ATP8B1: variants seen among roughly 807,000 people sequenced by gnomAD.
ATP8B1 encodes the protein ATPase phospholipid transporting 8B1.
Under a neutral mutation model 149.9 loss-of-function variants are expected in ATP8B1, and 80 were observed. The observed-to-expected ratio is 0.53, with a 90% CI of 0.45 to 0.64. The LOEUF (loss-of-function observed/expected upper bound fraction) is 0.64, where lower values mean the gene tolerates loss of function less well. ATP8B1 is among the 30% of genes least tolerant of loss of function. The pLI, the probability that ATP8B1 is intolerant of heterozygous loss-of-function variation, is 0.00. For missense variants in ATP8B1, 1,247 were observed against 1,552.6 expected (o/e 0.80, Z 3.31); for synonymous variants, 536 against 562.8 (o/e 0.95, Z 0.67).
intron 1 of ATP8B1, among the ~76,000 whole-genome samples, chr18:57,732,309 GTGTGTATA>G (rs1183898927): frequency 4.7e-5 from 1 of 21,338 alleles, no homozygotes; most frequent in African/African-American, 1.6e-4. Context: ...GTGTATATAT[GTGTGTATA>G]TATGTGTATA....
rs796827161 is a variant in ATP8B1 at position 57,714,447 on chromosome 18, G to A, written c.182-7860C>T. Among the ~76,000 whole-genome samples, 10 of 152,220 alleles carry A rather than the reference G, an allele frequency of 6.6e-5. No homozygotes were observed. In the South Asian group the frequency reaches 1.0e-3, roughly 16 times the overall value. Reference sequence around the variant, plus strand: ...GATCATGGTTACAGTGGGCCATGGCGAGACCCAGTGTGGTGCCAGCTTCAT... The same window carrying A: ...GATCATGGTTACAGTGGGCCATGGCAAGACCCAGTGTGGTGCCAGCTTCAT... On this transcript the variant is annotated intron_variant, in intron 2 of 27. Coordinates refer to ENST00000648908, the MANE Select transcript of ATP8B1 (RefSeq NM_001374385.1).
intron 12 of ATP8B1, among the ~76,000 whole-genome samples, chr18:57,690,427 G>A (rs956294120): frequency 1.3e-5 from 2 of 152,184 alleles, no homozygotes; most frequent in Non-Finnish European, 2.9e-5. Context: ...GCTCCAGCAT[G>A]TTTTCAAAGG....
intron 1 of ATP8B1, among the ~76,000 whole-genome samples, chr18:57,794,642 G>A (rs117471568): frequency 0.016 from 2,390 of 152,012 alleles, 23 homozygotes; most frequent in Non-Finnish European, 0.022. Context: ...GGCATATGAC[G>A]GTCATGGTGG....
intron 1 of ATP8B1, among the ~76,000 whole-genome samples, chr18:57,789,236 T>C (rs943793751): frequency 6.6e-6 from 1 of 152,182 alleles, no homozygotes; most frequent in Non-Finnish European, 1.5e-5. Context: ...GTCCTGTATT[T>C]TTATTTGTTA....
At chr18:57,669,521 ATAGT>A (rs886595618) in intron 17 of ATP8B1, 39 bp from the exon 18 acceptor site, 4 of 1,568,746 alleles carry the variant, frequency 2.5e-6, no homozygotes, top group East Asian at 2.3e-5. Flanking sequence ...AATGCAAAGA[ATAGT>A]TAATTTATGT....
intron 20 of ATP8B1, among the ~76,000 whole-genome samples, chr18:57,663,392 A>G (rs1313439870): frequency 6.6e-6 from 1 of 152,208 alleles, no homozygotes; most frequent in Non-Finnish European, 1.5e-5. Context: ...TGCTGTGAAC[A>G]TGGGTGTGCA....
At chr18:57,705,458 G>C (rs1913343898) in intron 3 of ATP8B1, among the ~76,000 whole-genome samples, 1 of 152,192 alleles carries the variant, frequency 6.6e-6, no homozygotes. Flanking sequence ...TCTTCGCAGA[G>C]ATAATCAAGA....
intron 2 of ATP8B1, among the ~76,000 whole-genome samples, chr18:57,714,398 G>T (rs950961239): frequency 6.6e-6 from 1 of 152,188 alleles, no homozygotes; most frequent in Non-Finnish European, 1.5e-5. Context: ...TCACAACAGG[G>T]CATTGAGGGA....
intron 22 of ATP8B1, among the ~76,000 whole-genome samples, chr18:57,658,750 C>CA (rs34574551): frequency 0.053 from 8,027 of 151,916 alleles, 286 homozygotes; most frequent in Non-Finnish European, 0.08. Flanking sequence ...ACTGTAGTCT[C>CA]AACTTCTCAG....
chr18:57,674,722 C>T lies in ATP8B1; in HGVS notation c.1819+112G>A. The T allele has an allele frequency of 2.4e-6, 3 of 1,268,288 alleles. No homozygotes were observed. In the South Asian group the frequency reaches 3.6e-5, roughly 15 times the overall value. 78.6% of individuals were successfully genotyped at this position (1,268,288 alleles called of 1,614,324 possible). ...TTTCAGTAAAGCTGCAGAAATCTCC[C>T]AGGAGCCAAGTAGCTCTTTCACTGG... On this transcript the variant is annotated intron_variant, in intron 16 of 27. Coordinates refer to ENST00000648908, the MANE Select transcript of ATP8B1 (RefSeq NM_001374385.1).
intron 26 of ATP8B1, among the ~76,000 whole-genome samples, chr18:57,651,249 G>A (rs932744295): frequency 6.6e-6 from 1 of 152,130 alleles, no homozygotes; most frequent in East Asian, 1.9e-4. Context: ...GGGACTACAG[G>A]TGTGCGCCAC....
chr18:57,727,055 G>A (rs2079716006), intron 2 of ATP8B1, among the ~76,000 whole-genome samples: 1 of 152,122 alleles, frequency 6.6e-6, no homozygotes, highest in African/African-American at 2.4e-5. Flanking sequence ...ACTCCAGCCT[G>A]GGCAACAAGA....
At chr18:57,651,904 G>T in intron 26 of ATP8B1, 130 bp downstream of exon 26, 2 of 1,196,822 alleles carry the variant, frequency 1.7e-6, no homozygotes, top group Non-Finnish European at 1.2e-6. Context: ...AAAATGCTGG[G>T]ATTACAGGTG....
At chr18:57,796,742 A>G (rs1386421968) in intron 1 of ATP8B1, among the ~76,000 whole-genome samples, 1 of 152,150 alleles carries the variant, frequency 6.6e-6, no homozygotes, top group Non-Finnish European at 1.5e-5. Context: ...GCTAGAGTGC[A>G]GTGGTGCAAT....
intron 15 of ATP8B1, among the ~76,000 whole-genome samples, chr18:57,676,902 T>C (rs955701868): frequency 4.6e-5 from 7 of 151,556 alleles, no homozygotes; most frequent in African/African-American, 1.7e-4. Context: ...ATTGCAACTA[T>C]TCAGGAGGCT....
rs1599236806 is a variant in ATP8B1 at position 57,785,298 on chromosome 18, G to A, written c.-26+17700C>T. On this transcript the variant is annotated intron_variant, in intron 1 of 27. Coordinates refer to ENST00000648908, the MANE Select transcript of ATP8B1 (RefSeq NM_001374385.1). Reference sequence around the variant, plus strand: ...GTATGTAAATATTTCATAGCTCAGAGTTATGGGATGGTGTTTATTTCAAAT... The same window carrying A: ...GTATGTAAATATTTCATAGCTCAGAATTATGGGATGGTGTTTATTTCAAAT... Among the ~76,000 whole-genome samples, 7 of 152,296 alleles carry A rather than the reference G, an allele frequency of 4.6e-5. No homozygotes were observed. The South Asian group carries it at 1.5e-3, about 32-fold the overall frequency.
At chr18:57,759,277 G>C (rs2080122593) in intron 1 of ATP8B1, among the ~76,000 whole-genome samples, 1 of 151,262 alleles carries the variant, frequency 6.6e-6, no homozygotes, top group South Asian at 2.1e-4. Flanking sequence ...TTAAAGTCTA[G>C]CTTTCCTTTA....
chr18:57,785,950 G>T (rs1262490005), intron 1 of ATP8B1, among the ~76,000 whole-genome samples: 4 of 152,162 alleles, frequency 2.6e-5, no homozygotes, highest in Admixed American at 6.6e-5. Flanking sequence ...TTTCATTGTA[G>T]AGTCACTATA....
At chr18:57,728,434 G>A (rs559087187) in intron 2 of ATP8B1, among the ~76,000 whole-genome samples, 1 of 152,226 alleles carries the variant, frequency 6.6e-6, no homozygotes, top group African/African-American at 2.4e-5. Flanking sequence ...AATATAGTGG[G>A]AAAGGAAAGA....
Sources: allele counts gnomAD v4.1 joint callset (sites outside exome capture counted in the v4.1 genomes callset), GRCh38; gene constraint gnomAD v4.1.1; transcripts MANE v1.5; gene names NCBI Gene and HGNC (gene_info 2026-07-23, HGNC 2026-07-21).